NTNG1: variants seen among roughly 807,000 people sequenced by gnomAD.
The protein encoded by NTNG1 is netrin-G1.
A neutral mutation model predicts 54.0 loss-of-function variants in NTNG1; 16 were observed. That is an observed-to-expected ratio of 0.30 (90% CI 0.20 to 0.45). NTNG1 has a LOEUF of 0.45. NTNG1 is among the 20% of genes least tolerant of loss of function. The probability of loss-of-function intolerance (pLI) is 1.00; values close to 1 mark genes in which losing one functional copy is unlikely to be tolerated. For missense variants in NTNG1, 530 were observed against 678.7 expected (o/e 0.78, Z 2.43); for synonymous variants, 255 against 263.1 (o/e 0.97, Z 0.30).
upstream of NTNG1, among the ~76,000 whole-genome samples, chr1:107,140,596 G>C (rs149391680): frequency 3.9e-5 from 6 of 152,150 alleles, no homozygotes; most frequent in East Asian, 9.7e-4. Context: ...ATTGGTATTA[G>C]AGGATCTTCT....
At chr1:107,184,756 G>A (rs77699706) in intron 2 of NTNG1, among the ~76,000 whole-genome samples, 3,349 of 152,232 alleles carry the variant, frequency 0.022, 107 homozygotes, top group African/African-American at 0.076. Context: ...AAGGCTTTGT[G>A]TATGTGTGAA....
chr1:107,227,915 C>A (rs1188137452), intron 2 of NTNG1, among the ~76,000 whole-genome samples: 2 of 152,136 alleles, frequency 1.3e-5, no homozygotes, highest in Non-Finnish European at 2.9e-5. Flanking sequence ...TTCAGTGATA[C>A]TAATTAGTTC....
At chr1:107,190,461 T>C (rs567056155) in intron 2 of NTNG1, among the ~76,000 whole-genome samples, 3 of 152,166 alleles carry the variant, frequency 2.0e-5, no homozygotes, top group Non-Finnish European at 4.4e-5. Flanking sequence ...AGTTTTAGGG[T>C]ACATGTGCAC....
intron 3 of NTNG1, among the ~76,000 whole-genome samples, chr1:107,342,294 G>C (rs1243965551): frequency 6.6e-6 from 1 of 152,004 alleles, no homozygotes; most frequent in Non-Finnish European, 1.5e-5. Context: ...GAAAAAGTAT[G>C]ACTGAAGCAT....
At chr1:107,277,716 T>A (rs1281011180) in intron 2 of NTNG1, among the ~76,000 whole-genome samples, 1 of 152,214 alleles carries the variant, frequency 6.6e-6, no homozygotes, top group Non-Finnish European at 1.5e-5. Context: ...AATGGCTTCC[T>A]CAGAAGAATC....
At chr1:107,284,122 T>C (rs950050835) in intron 2 of NTNG1, among the ~76,000 whole-genome samples, 1 of 152,136 alleles carries the variant, frequency 6.6e-6, no homozygotes, top group African/African-American at 2.4e-5. Flanking sequence ...AGGGTAGGTG[T>C]TACCCCTTTA....
At chr1:107,463,231 G>A (rs977799) in intron 7 of NTNG1, among the ~76,000 whole-genome samples, 38,240 of 152,142 alleles carry the variant, frequency 0.25, 5,398 homozygotes, top group East Asian at 0.35. Context: ...AATTCGTTAT[G>A]TGCTTCTTAG....
intron 7 of NTNG1, among the ~76,000 whole-genome samples, chr1:107,440,493 A>G (rs1223253865): frequency 6.6e-6 from 1 of 152,182 alleles, no homozygotes; most frequent in African/African-American, 2.4e-5. Context: ...CCTACCATAT[A>G]TAGTAATTGT....
At chr1:107,295,843 C>A (rs560518552) in intron 2 of NTNG1, among the ~76,000 whole-genome samples, 1 of 152,162 alleles carries the variant, frequency 6.6e-6, no homozygotes, top group South Asian at 2.1e-4. Flanking sequence ...TTAACAAAAG[C>A]AGGCTGCTAA....
At chr1:107,432,708 A>G (rs1283314495) in intron 6 of NTNG1, among the ~76,000 whole-genome samples, 2 of 152,170 alleles carry the variant, frequency 1.3e-5, no homozygotes, top group Non-Finnish European at 2.9e-5. Context: ...AAACCTAACC[A>G]TTTTTACATA....
chr1:107,188,246 G>A (rs1008962498), intron 2 of NTNG1, among the ~76,000 whole-genome samples: 10 of 152,060 alleles, frequency 6.6e-5, no homozygotes, highest in African/African-American at 2.2e-4. Context: ...ATCACATTGG[G>A]TATGAGATTC....
chr1:107,365,145 A>G (rs1670520047), intron 3 of NTNG1, among the ~76,000 whole-genome samples: 3 of 152,210 alleles, frequency 2.0e-5, no homozygotes, highest in Admixed American at 6.5e-5. Context: ...CATTACAGCT[A>G]TATTACAAAG....
At chr1:107,195,518 T>C (rs1195058317) in intron 2 of NTNG1, among the ~76,000 whole-genome samples, 1 of 151,890 alleles carries the variant, frequency 6.6e-6, no homozygotes, top group African/African-American at 2.4e-5. Flanking sequence ...TTCACATGGG[T>C]AAAAGCCAAA....
intron 5 of NTNG1, among the ~76,000 whole-genome samples, chr1:107,425,298 T>C (rs1293147562): frequency 2.0e-5 from 3 of 152,018 alleles, no homozygotes; most frequent in Non-Finnish European, 4.4e-5. Context: ...AAATATTGGA[T>C]TTAGTAATTA....
intron 2 of NTNG1, among the ~76,000 whole-genome samples, chr1:107,171,174 A>T (rs1464159799): frequency 1.3e-5 from 2 of 152,142 alleles, no homozygotes; most frequent in East Asian, 3.9e-4. Context: ...TAAGTTATTG[A>T]TGTATAAAAA....
rs543083782 is a variant in NTNG1, at chr1:107,180,985, C to T, written c.246+32146C>T. 3.3e-5 allele frequency among the ~76,000 whole-genome samples: 5 copies of T among 152,226 alleles called. No homozygotes were observed. In the South Asian group the frequency reaches 1.0e-3, roughly 32 times the overall value. ...TGGTCCACCTCTGTATTTAGAGATC[C>T]CCTAAGGAAAGCCAGAAACCAATGG... On this transcript the variant is annotated intron_variant, in intron 2 of 7. Coordinates refer to ENST00000370068, the MANE Select transcript of NTNG1 (RefSeq NM_001113226.3).
rs1678917745 is a variant in NTNG1, at chr1:107,484,582, C to T, written c.*3742C>T. 1.3e-5 allele frequency among the ~76,000 whole-genome samples: 2 copies of T among 152,314 alleles called. No individual in the cohort carries two copies. Among genetic ancestry groups the T allele is most frequent in the East Asian group, 1.9e-4 (1 of 5,176 alleles). ...GGCACAAACTGCTAACCACATAACA[C>T]AAAGAAAGGTCCAGGTTGGAAGAAG... is the stretch of plus-strand genomic sequence containing the variant. On this transcript the variant is annotated 3_prime_UTR_variant, in exon 8 of 8. Transcript: ENST00000370068.
chr1:107,312,091 T>C (rs1422519396), intron 2 of NTNG1, among the ~76,000 whole-genome samples: 1 of 152,126 alleles, frequency 6.6e-6, no homozygotes, highest in Non-Finnish European at 1.5e-5. Context: ...ATGCAGAAAA[T>C]AGGTTATAAG....
chr1:107,437,588 C>T (rs143315727), intron 7 of NTNG1, among the ~76,000 whole-genome samples: 24 of 152,224 alleles, frequency 1.6e-4, no homozygotes, highest in Admixed American at 3.3e-4. Context: ...CAAGACATAT[C>T]CTGTGTAGCA....
Sources: allele counts gnomAD v4.1 joint callset (sites outside exome capture counted in the v4.1 genomes callset), GRCh38; gene constraint gnomAD v4.1.1; transcripts MANE v1.5; gene names NCBI Gene and HGNC (gene_info 2026-07-23, HGNC 2026-07-21).